The following ZNF469 variants were observed in gnomAD, a reference collection of about 807,000 sequenced individuals.
ZNF469 encodes zinc finger protein 469.
A neutral mutation model predicts 1.0 loss-of-function variants in ZNF469; 1 was observed. The observed-to-expected ratio is 1.00, with a 90% CI of 0.35 to 4.73. The LOEUF is 4.73. Among genes scored for constraint, ZNF469 ranks in the 30% most tolerant of loss-of-function variants. ZNF469 has a pLI of 0.16. For synonymous variants in ZNF469, 2,703 were observed against 2,363.4 expected, an observed-to-expected ratio of 1.14 and a Z score of -4.17; for missense variants, 6,100 against 5,356.3, an observed-to-expected ratio of 1.14 and a Z score of -4.33.
the ZNF469 span, among the ~76,000 whole-genome samples, chr16:88,305,310 GCA>G: frequency 0.57 from 75,860 of 133,152 alleles, 21,490 homozygotes; most frequent in East Asian, 0.77. Context: ...ACCCTCACAT[GCA>G]CACACACACA....
chr16:88,133,889 T>C, the ZNF469 span, among the ~76,000 whole-genome samples: 1 of 152,030 alleles, frequency 6.6e-6, no homozygotes, highest in Non-Finnish European at 1.5e-5. Flanking sequence ...AGGTCAGGAG[T>C]TCGAGACCAG....
the ZNF469 span, among the ~76,000 whole-genome samples, chr16:88,129,076 A>G: frequency 6.6e-6 from 1 of 152,252 alleles, no homozygotes; most frequent in Non-Finnish European, 1.5e-5. Flanking sequence ...GAGTTAAGAG[A>G]AACAATCGGT....
At chr16:88,354,547 A>G in the ZNF469 span, among the ~76,000 whole-genome samples, 1 of 152,176 alleles carries the variant, frequency 6.6e-6, no homozygotes, top group Non-Finnish European at 1.5e-5. Context: ...CAGCCTGTCC[A>G]GTAGGGATAG....
rs1009705513 is a variant in ZNF469 at position 88,437,666 on chromosome 16, C to T, written c.10196C>T (p.Thr3399Met). ...GLLERPELQH[T>M]PLYACELCAT... is the part of the protein sequence containing the mutation. ...CTGGAGCGGCCGGAGCTGCAGCACACGCCGCTGTATGCCTGCGAGCTCTGC... is the reference window on the plus strand; with the variant it reads ...CTGGAGCGGCCGGAGCTGCAGCACATGCCGCTGTATGCCTGCGAGCTCTGC... Residue 3399 changes from threonine to methionine, a missense_variant, in exon 3 of 3, where the codon ACG becomes ATG. Coordinates refer to ENST00000565624, the MANE Select transcript of ZNF469 (RefSeq NM_001367624.2). 226 of 1,548,092 alleles carry T rather than the reference C, an allele frequency of 1.5e-4. No individual in the cohort carries two copies. Among genetic ancestry groups the T allele is most frequent in the Non-Finnish European group, 1.9e-4 (220 of 1,145,504 alleles).
chr16:88,350,575 C>T, the ZNF469 span, among the ~76,000 whole-genome samples: 1 of 152,240 alleles, frequency 6.6e-6, no homozygotes, highest in African/African-American at 2.4e-5. Flanking sequence ...CCTGGACTCA[C>T]GCTTAGCCTC....
Position 88,430,836 on chromosome 16 carries a change from G to A in ZNF469, c.3366G>A (p.Lys1122=), listed in dbSNP as rs1287827630. The change falls in exon 3 of 3, where the codon AAG becomes AAA. Residue 1122 remains lysine (K), a synonymous_variant. Coordinates refer to ENST00000565624, the MANE Select transcript of ZNF469 (RefSeq NM_001367624.2). Reference sequence around the variant, plus strand: ...GGCGGGGCCGAGGCGAGAAGAGGAAGGAAGTGGAGCTGACCCAGGGTCCCA... The same window carrying A: ...GGCGGGGCCGAGGCGAGAAGAGGAAAGAAGTGGAGCTGACCCAGGGTCCCA... The part of the protein sequence containing the change: ...RGRRGRGEKR[K]EVELTQGPRE... The A allele has an allele frequency of 5.2e-6, 8 of 1,535,248 alleles. No individual in the cohort carries two copies. The highest frequency in any genetic ancestry group is 2.4e-5 in the South Asian group (2 of 84,002).
chr16:88,210,941 A>G, the ZNF469 span, among the ~76,000 whole-genome samples: 1 of 152,236 alleles, frequency 6.6e-6, no homozygotes. Context: ...ATCATTGTAA[A>G]AAGCTCATTG....
chr16:88,333,235 C>T, the ZNF469 span, among the ~76,000 whole-genome samples: 1 of 152,268 alleles, frequency 6.6e-6, no homozygotes, highest in South Asian at 2.1e-4. Flanking sequence ...GTGTGGTCTC[C>T]AAGCCGGTGG....
the ZNF469 span, among the ~76,000 whole-genome samples, chr16:88,293,175 T>A: frequency 6.6e-6 from 1 of 151,500 alleles, no homozygotes; most frequent in Non-Finnish European, 1.5e-5. Flanking sequence ...AGTGGATGAA[T>A]ACATGGGTGG....
the ZNF469 span, among the ~76,000 whole-genome samples, chr16:88,245,881 C>T: frequency 6.6e-5 from 10 of 152,394 alleles, no homozygotes; most frequent in South Asian, 1.9e-3. Flanking sequence ...GTGACAAAGG[C>T]AGCCGAACAG....
chr16:88,195,466 G>C, the ZNF469 span, among the ~76,000 whole-genome samples: 1 of 152,200 alleles, frequency 6.6e-6, no homozygotes, highest in South Asian at 2.1e-4. Flanking sequence ...GATTTTCTGG[G>C]GGAACAGAAG....
the ZNF469 span, among the ~76,000 whole-genome samples, chr16:88,111,891 T>C: frequency 6.6e-6 from 1 of 152,156 alleles, no homozygotes; most frequent in African/African-American, 2.4e-5. Context: ...TGCCTTGGCC[T>C]CCCAAAGTGC....
intron 1 of ZNF469, among the ~76,000 whole-genome samples, chr16:88,418,912 C>T (rs1406879642): frequency 6.6e-6 from 1 of 151,924 alleles, no homozygotes; most frequent in East Asian, 1.9e-4. Flanking sequence ...GCTGCAGCCC[C>T]GTACGGCGAG....
At chr16:88,228,127 C>T in the ZNF469 span, among the ~76,000 whole-genome samples, 2 of 152,396 alleles carry the variant, frequency 1.3e-5, no homozygotes, top group South Asian at 2.1e-4. Context: ...CCTGTAAAGA[C>T]CCTCTTTCCA....
chr16:88,353,074 G>A, the ZNF469 span, among the ~76,000 whole-genome samples: 2 of 152,186 alleles, frequency 1.3e-5, no homozygotes, highest in Non-Finnish European at 2.9e-5. Context: ...CAGGCTCAGG[G>A]TGGTGCCAAG....
At chr16:88,373,932 G>A in the ZNF469 span, among the ~76,000 whole-genome samples, 1 of 152,108 alleles carries the variant, frequency 6.6e-6, no homozygotes, top group East Asian at 1.9e-4. Context: ...AGGAGGAAGA[G>A]GCAGAGGCTG....
At chr16:88,219,720 A>G in the ZNF469 span, among the ~76,000 whole-genome samples, 2 of 152,256 alleles carry the variant, frequency 1.3e-5, no homozygotes, top group South Asian at 4.1e-4. Flanking sequence ...ATTCCAACCT[A>G]CTTCCCTGGG....
At chr16:88,242,907 A>G in the ZNF469 span, among the ~76,000 whole-genome samples, 1 of 152,236 alleles carries the variant, frequency 6.6e-6, no homozygotes, top group Non-Finnish European at 1.5e-5. Flanking sequence ...CTGGGAAACC[A>G]TGAGTCAAGG....
chr16:88,201,495 C>T, the ZNF469 span, among the ~76,000 whole-genome samples: 97 of 152,094 alleles, frequency 6.4e-4, no homozygotes, highest in African/African-American at 2.1e-3. This position sits in a 1 kb window ranked among gnomAD's most constrained non-coding sequence, Gnocchi z 5.0. Context: ...GTGGAGGTTG[C>T]AGTGAGCCGA....
Sources: gnomAD v4.1 joint callset for allele counts (sites outside exome capture counted in the v4.1 genomes callset) on GRCh38, gnomAD v4.1.1 for gene constraint, Gnocchi (gnomAD v3.1) non-coding constraint, MANE v1.5 for transcripts, NCBI Gene and HGNC (gene_info 2026-07-23, HGNC 2026-07-21) for gene names.